The following NEDD4L variants were observed in gnomAD, a reference collection of about 807,000 sequenced individuals.
NEDD4L encodes the protein NEDD4 like E3 ubiquitin protein ligase.
Under a neutral mutation model 148.9 loss-of-function variants are expected in NEDD4L, and 54 were observed. The observed-to-expected ratio is 0.36, with a 90% CI of 0.29 to 0.45. NEDD4L has a LOEUF of 0.45. NEDD4L is among the 20% of genes least tolerant of loss of function. NEDD4L has a pLI of 1.00. For missense variants in NEDD4L, 856 were observed against 1,233.8 expected, an observed-to-expected ratio of 0.69 and a Z score of 4.59; for synonymous variants, 433 against 440.7, an observed-to-expected ratio of 0.98 and a Z score of 0.22.
chr18:58,098,724 T>A (rs2145445751), intron 1 of NEDD4L, among the ~76,000 whole-genome samples: 1 of 152,094 alleles, frequency 6.6e-6, no homozygotes, highest in Non-Finnish European at 1.5e-5. Context: ...CCAGAAGGAA[T>A]TGGTCTCTTT....
chr18:58,378,408 G>A (rs2047859691), intron 24 of NEDD4L, among the ~76,000 whole-genome samples: 2 of 152,240 alleles, frequency 1.3e-5, no homozygotes, highest in Admixed American at 1.3e-4. Context: ...AATGGTCAAT[G>A]AGGGAGAGGG....
chr18:58,282,222 A>T (rs2148983540), intron 5 of NEDD4L, among the ~76,000 whole-genome samples: 1 of 150,870 alleles, frequency 6.6e-6, no homozygotes, highest in East Asian at 1.9e-4. Context: ...CGTTGTGTTT[A>T]TGGTAACCAG....
chr18:58,072,140 C>T (rs1199105873), intron 1 of NEDD4L, among the ~76,000 whole-genome samples: 3 of 152,030 alleles, frequency 2.0e-5, no homozygotes, highest in Non-Finnish European at 4.4e-5. Context: ...AATCAGGAAA[C>T]CTTCCACCAA....
At chr18:58,344,529 G>A (rs1278851576) in intron 16 of NEDD4L, among the ~76,000 whole-genome samples, 3 of 152,124 alleles carry the variant, frequency 2.0e-5, no homozygotes, top group East Asian at 1.9e-4. Context: ...TTGAAGTAAG[G>A]GAATGGCCTG....
chr18:58,055,247 A>G (rs2082039475), intron 1 of NEDD4L, among the ~76,000 whole-genome samples: 1 of 152,200 alleles, frequency 6.6e-6, no homozygotes, highest in Non-Finnish European at 1.5e-5. Context: ...ACTTGAACCC[A>G]GGAGTTCAAG....
intron 3 of NEDD4L, among the ~76,000 whole-genome samples, chr18:58,245,846 A>ATT (rs58940181): frequency 0.01 from 952 of 91,492 alleles, 15 homozygotes; most frequent in Middle Eastern, 0.029. Context: ...ATGCCTGGCT[A>ATT]TTTTTTTTTT....
At chr18:58,394,299 C>T (rs986052359) in intron 30 of NEDD4L, among the ~76,000 whole-genome samples, 6 of 152,344 alleles carry the variant, frequency 3.9e-5, no homozygotes, top group Admixed American at 1.3e-4. Flanking sequence ...GGATGCAAAG[C>T]GGTGAAGCAT....
chr18:58,087,275 CA>C, intron 1 of NEDD4L, among the ~76,000 whole-genome samples: 1 of 152,318 alleles, frequency 6.6e-6, no homozygotes, highest in East Asian at 1.9e-4. Context: ...AACTTTCCAT[CA>C]GGAAATAACA....
Position 58,397,638 on chromosome 18 carries a change from A to G in NEDD4L, c.*1369A>G, listed in dbSNP as rs1422856618. 6.6e-6 allele frequency: 1 copy of G among 152,560 alleles called. No individual in the cohort carries two copies. The highest frequency in any genetic ancestry group is 1.9e-4 in the East Asian group (1 of 5,196). The allele number at this position is 152,560 out of a possible 1,614,324, so 9.5% of individuals were successfully genotyped here. On this transcript the variant is annotated 3_prime_UTR_variant, in exon 31 of 31. Transcript: ENST00000400345. ...GTTGTGCCTCTTGTGTGCTAGATTAAAAGTGAGACAGAGACTTGACTTGAT... is the reference window on the plus strand; with the variant it reads ...GTTGTGCCTCTTGTGTGCTAGATTAGAAGTGAGACAGAGACTTGACTTGAT...
intron 2 of NEDD4L, chr18:58,221,654 C>T (rs1003696420): frequency 1.3e-5 from 13 of 985,280 alleles, no homozygotes; most frequent in South Asian, 9.4e-5. Flanking sequence ...AGGAGGAAGA[C>T]GAGGCCAGGG....
chr18:58,137,964 AG>A (rs2033040253), intron 1 of NEDD4L, among the ~76,000 whole-genome samples: 1 of 152,182 alleles, frequency 6.6e-6, no homozygotes, highest in African/African-American at 2.4e-5. Flanking sequence ...ATTAGGTATA[AG>A]GCCTATCCAT....
intron 23 of NEDD4L, chr18:58,371,968 A>T (rs1317717606): frequency 6.6e-6 from 1 of 152,208 alleles, no homozygotes; most frequent in Non-Finnish European, 1.5e-5. Flanking sequence ...GGGACCAGGG[A>T]CAGGCGCTTA....
intron 28 of NEDD4L, chr18:58,390,381 G>T (rs1318758111): frequency 8.7e-6 from 3 of 344,456 alleles, no homozygotes; most frequent in Non-Finnish European, 1.1e-5. Flanking sequence ...CATGAGCTTG[G>T]TGCCATCAGA....
chr18:58,285,001 A>G (rs1368047373), intron 5 of NEDD4L, among the ~76,000 whole-genome samples: 1 of 152,154 alleles, frequency 6.6e-6, no homozygotes, highest in African/African-American at 2.4e-5. Context: ...ACTCTCTCTC[A>G]TCTACGTGCT....
rs59608519 is a variant in NEDD4L at position 58,214,607 on chromosome 18, TTGTGTGTG to T, written c.123-30790_123-30783del. ...ATTCCATAAACATTAGCTGCTCGGT[TTGTGTGTG>T]TGTGTGTGTGTGTGTGTGTGTGTGT... On this transcript the variant is annotated intron_variant, in intron 2 of 30. Coordinates refer to ENST00000400345, the MANE Select transcript of NEDD4L (RefSeq NM_001144967.3). 3.9e-3 allele frequency among the ~76,000 whole-genome samples: 572 copies of T among 145,410 alleles called. 3 individuals are homozygous for T. The highest frequency in any genetic ancestry group is 0.016 in the East Asian group (78 of 4,978).
At chr18:58,352,930 G>C (rs1038727673) in intron 18 of NEDD4L, among the ~76,000 whole-genome samples, 1 of 152,196 alleles carries the variant, frequency 6.6e-6, no homozygotes, top group Admixed American at 6.5e-5. Flanking sequence ...AAGGGCTGTC[G>C]TAGCATGCGT....
chr18:58,212,474 A>G (rs2042691701), intron 2 of NEDD4L, among the ~76,000 whole-genome samples: 1 of 122,972 alleles, frequency 8.1e-6, no homozygotes. Context: ...TAACCATCAG[A>G]TCACATGAGA....
chr18:58,083,386 A>G (rs2083568398), intron 1 of NEDD4L, among the ~76,000 whole-genome samples: 1 of 152,148 alleles, frequency 6.6e-6, no homozygotes, highest in African/African-American at 2.4e-5. Context: ...GGTGGGCTCA[A>G]AAAACAGAAA....
chr18:58,144,956 G>A (rs1360669350), intron 1 of NEDD4L, among the ~76,000 whole-genome samples: 4 of 152,214 alleles, frequency 2.6e-5, no homozygotes, highest in Non-Finnish European at 5.9e-5. Flanking sequence ...CTCCACAGGT[G>A]TGGAGGATGA....
Sources: gnomAD v4.1 joint callset for allele counts (sites outside exome capture counted in the v4.1 genomes callset) on GRCh38, gnomAD v4.1.1 for gene constraint, MANE v1.5 for transcripts, NCBI Gene and HGNC (gene_info 2026-07-23, HGNC 2026-07-21) for gene names.